MALRD1: variants seen among roughly 807,000 people sequenced by gnomAD.
MALRD1 encodes the protein MAM and LDL receptor class A domain containing 1, also known as MAM and LDL-receptor class A domain-containing protein 1.
A neutral mutation model predicts 242.1 loss-of-function variants in MALRD1; 247 were observed. That is an observed-to-expected ratio of 1.02 (90% CI 0.92 to 1.13). The LOEUF is 1.13. MALRD1 is among the 50% of genes most tolerant of loss of function. The pLI, the probability that MALRD1 is intolerant of heterozygous loss-of-function variation, is 0.00. For missense variants in MALRD1, 2,989 were observed against 2,533.1 expected, an observed-to-expected ratio of 1.18 and a Z score of -3.86; for synonymous variants, 995 against 866.6, an observed-to-expected ratio of 1.15 and a Z score of -2.60.
chr10:19,181,060 C>T (rs80297706), intron 14 of MALRD1, among the ~76,000 whole-genome samples: 7 of 151,152 alleles, frequency 4.6e-5, no homozygotes, highest in African/African-American at 1.2e-4. Flanking sequence ...TAAAAAAAAG[C>T]GTAACACATT....
chr10:19,668,823 A>T (rs1841794343), intron 36 of MALRD1, among the ~76,000 whole-genome samples: 1 of 152,200 alleles, frequency 6.6e-6, no homozygotes, highest in African/African-American at 2.4e-5. Context: ...AAGAAAATTT[A>T]AGGGTCAATT....
chr10:19,509,931 G>T (rs1053334436), intron 31 of MALRD1, among the ~76,000 whole-genome samples: 1 of 145,202 alleles, frequency 6.9e-6, no homozygotes, highest in East Asian at 2.0e-4. Context: ...GGGGACCGGC[G>T]CTCAGCATAC....
intron 38 of MALRD1, among the ~76,000 whole-genome samples, chr10:19,718,794 T>G (rs1405971400): frequency 1.3e-5 from 2 of 152,116 alleles, no homozygotes; most frequent in Non-Finnish European, 2.9e-5. Context: ...CCTTTTTCTA[T>G]ATATATTTTT....
At chr10:19,293,851 G>T (rs192653515) in intron 21 of MALRD1, among the ~76,000 whole-genome samples, 3 of 152,084 alleles carry the variant, frequency 2.0e-5, no homozygotes, top group South Asian at 4.1e-4. Flanking sequence ...ACAAATCCCC[G>T]TTACATGAAT....
chr10:19,469,346 T>A (rs1003201038), intron 29 of MALRD1, among the ~76,000 whole-genome samples: 16 of 152,292 alleles, frequency 1.1e-4, no homozygotes, highest in African/African-American at 3.8e-4. Flanking sequence ...TCTTTTATGA[T>A]AATGATCTTC....
intron 18 of MALRD1, among the ~76,000 whole-genome samples, chr10:19,217,789 G>A (rs561951525): frequency 1.3e-5 from 2 of 152,038 alleles, no homozygotes; most frequent in African/African-American, 4.8e-5. Context: ...CTCCCAAAGT[G>A]CTGGGATTAC....
intron 29 of MALRD1, chr10:19,489,232 A>C (rs1199382298): frequency 2.1e-6 from 1 of 476,302 alleles, no homozygotes; most frequent in Non-Finnish European, 4.3e-6. Flanking sequence ...CGAAGGATAC[A>C]TCTTAAGACA....
Position 19,133,984 on chromosome 10 carries a change from G to C in MALRD1, c.1203+36G>C, listed in dbSNP as rs922065910. The C allele has an allele frequency of 3.6e-6, 4 of 1,101,584 alleles. No individual in the cohort carries two copies. In the African/African-American group the frequency reaches 6.5e-5, roughly 18 times the overall value. 68.2% of individuals were successfully genotyped at this position (1,101,584 alleles called of 1,614,324 possible). On this transcript the variant is annotated intron_variant, in intron 9 of 39. Coordinates refer to ENST00000454679, the MANE Select transcript of MALRD1 (RefSeq NM_001142308.3). The stretch of plus-strand genomic sequence containing the variant: ...AAAAAAAAAAGTATTTTTTTATCAT[G>C]GTTTAAGTTTTAGCTTTGCAGTAAT...
chr10:19,713,440 G>C (rs545888743), intron 38 of MALRD1, among the ~76,000 whole-genome samples: 1 of 152,168 alleles, frequency 6.6e-6, no homozygotes, highest in South Asian at 2.1e-4. Flanking sequence ...GAAAATAAAA[G>C]ACTTTGGCTC....
chr10:19,624,468 AGT>A (rs1473496553), intron 36 of MALRD1, among the ~76,000 whole-genome samples: 1 of 152,128 alleles, frequency 6.6e-6, no homozygotes, highest in Non-Finnish European at 1.5e-5. Flanking sequence ...TAACCTAAAA[AGT>A]GTGTTATTGT....
At chr10:19,273,312 C>T (rs1028622318) in intron 19 of MALRD1, among the ~76,000 whole-genome samples, 3 of 152,044 alleles carry the variant, frequency 2.0e-5, no homozygotes, top group African/African-American at 4.8e-5. Flanking sequence ...GTTATATAGC[C>T]GCTTTGAAAA....
intron 31 of MALRD1, among the ~76,000 whole-genome samples, chr10:19,521,288 T>G (rs927899358): frequency 6.6e-6 from 1 of 152,174 alleles, no homozygotes; most frequent in Non-Finnish European, 1.5e-5. Flanking sequence ...CTTTCCATAA[T>G]CTTGCTTCCT....
intron 18 of MALRD1, among the ~76,000 whole-genome samples, chr10:19,232,819 A>T (rs12416258): frequency 0.07 from 10,608 of 152,166 alleles, 433 homozygotes; most frequent in East Asian, 0.17. Context: ...CCCCCACCCC[A>T]ACCCTGCTTC....
chr10:19,632,403 A>C (rs1460569535), intron 36 of MALRD1, among the ~76,000 whole-genome samples: 1 of 152,112 alleles, frequency 6.6e-6, no homozygotes, highest in East Asian at 1.9e-4. Flanking sequence ...CAGTCCATAG[A>C]TTCCTTTCTC....
At chr10:19,297,880 C>T (rs1204509941) in intron 21 of MALRD1, among the ~76,000 whole-genome samples, 2 of 151,756 alleles carry the variant, frequency 1.3e-5, no homozygotes, top group African/African-American at 4.8e-5. Context: ...GGCTGTAAAG[C>T]ATTGCATAGA....
intron 32 of MALRD1, among the ~76,000 whole-genome samples, chr10:19,548,908 T>A (rs778658406): frequency 3.9e-5 from 6 of 152,172 alleles, no homozygotes; most frequent in Non-Finnish European, 5.9e-5. Flanking sequence ...TGAGATAGGC[T>A]GAAAGCTAGA....
At chr10:19,250,024 A>G (rs1839232359) in intron 18 of MALRD1, among the ~76,000 whole-genome samples, 1 of 152,008 alleles carries the variant, frequency 6.6e-6, no homozygotes, top group Admixed American at 6.6e-5. Flanking sequence ...ATATTAAAAT[A>G]ATAAATTAGA....
chr10:19,324,982 A>G (rs1247629402), intron 22 of MALRD1, among the ~76,000 whole-genome samples: 1 of 141,952 alleles, frequency 7.0e-6, no homozygotes, highest in African/African-American at 2.6e-5. Flanking sequence ...CATTTTACCC[A>G]CAAATTTTTG....
chr10:19,198,015 C>T (rs149858078), intron 14 of MALRD1, among the ~76,000 whole-genome samples: 2 of 152,322 alleles, frequency 1.3e-5, no homozygotes, highest in African/African-American at 4.8e-5. Context: ...GAATTTCCCA[C>T]ACTAGAGTCT....
Sources: gnomAD v4.1 joint callset for allele counts (sites outside exome capture counted in the v4.1 genomes callset) on GRCh38, gnomAD v4.1.1 for gene constraint, MANE v1.5 for transcripts, NCBI Gene and HGNC (gene_info 2026-07-23, HGNC 2026-07-21) for gene names.